The following RALYL variants were observed in gnomAD, a reference collection of about 807,000 sequenced individuals.
RALYL encodes RALY RNA binding protein like.
Under a neutral mutation model 35.1 loss-of-function variants are expected in RALYL, and 29 were observed. The ratio of observed to expected loss-of-function variants is 0.83; its 90% CI spans 0.61 to 1.13. RALYL has a LOEUF of 1.13. Ranked by LOEUF, RALYL falls within the 50% of genes most tolerant of loss-of-function variation. The pLI is 0.00. For missense variants in RALYL, 359 were observed against 360.4 expected (o/e 1.00, Z 0.03); for synonymous variants, 120 against 127.6 (o/e 0.94, Z 0.40).
intron 8 of RALYL, among the ~76,000 whole-genome samples, chr8:84,916,937 A>G (rs149710935): frequency 2.9e-3 from 448 of 152,196 alleles, no homozygotes; most frequent in Non-Finnish European, 5.0e-3. Context: ...AACAAAGTTA[A>G]ATTTATTTTA....
chr8:84,485,665 C>T (rs995222813), intron 1 of RALYL, among the ~76,000 whole-genome samples: 4 of 152,110 alleles, frequency 2.6e-5, no homozygotes, highest in Non-Finnish European at 5.9e-5. Flanking sequence ...GATGGCAATT[C>T]CATTTCAGTT....
At chr8:84,438,711 T>C (rs1025822369) in intron 1 of RALYL, among the ~76,000 whole-genome samples, 1 of 152,102 alleles carries the variant, frequency 6.6e-6, no homozygotes, top group African/African-American at 2.4e-5. Flanking sequence ...TTCTTATAGT[T>C]TGCGGTCTTA....
intron 8 of RALYL, among the ~76,000 whole-genome samples, chr8:84,905,700 A>ATTTTTT (rs35284071): frequency 7.7e-5 from 11 of 142,992 alleles, no homozygotes; most frequent in Non-Finnish European, 1.5e-4. Flanking sequence ...TATGAATACT[A>ATTTTTT]TTTTTTTTTT....
rs1228499426 is a variant in RALYL, at chr8:84,350,587, G to A, written c.-24+166163G>A. On this transcript the variant is annotated intron_variant, in intron 1 of 8. Coordinates refer to ENST00000521268, the MANE Select transcript of RALYL (RefSeq NM_173848.7). ...TAGTAAGTAAAAACAAGCCATGCATGTATTACCTCAGAACCAGGGCACTAG... is the reference window on the plus strand; with the variant it reads ...TAGTAAGTAAAAACAAGCCATGCATATATTACCTCAGAACCAGGGCACTAG... Among the ~76,000 whole-genome samples the A allele has an allele frequency of 1.3e-5, 2 of 150,064 alleles. 1 individual carries two copies. Among genetic ancestry groups the A allele is most frequent in the African/African-American group, 5.0e-5 (2 of 40,266 alleles).
At chr8:84,731,369 C>T (rs1393722342) in intron 2 of RALYL, among the ~76,000 whole-genome samples, 3 of 152,082 alleles carry the variant, frequency 2.0e-5, no homozygotes, top group African/African-American at 7.2e-5. Flanking sequence ...TATTTAAGGG[C>T]ATAGAGTAAA....
intron 2 of RALYL, among the ~76,000 whole-genome samples, chr8:84,544,791 ATATTCCATATATC>A (rs2060247066): frequency 6.6e-6 from 1 of 152,042 alleles, no homozygotes; most frequent in Non-Finnish European, 1.5e-5. Flanking sequence ...TGTTTTCCAT[ATATTCCATATATC>A]CATATATTTG....
chr8:84,807,993 G>T (rs1825062565), intron 4 of RALYL, among the ~76,000 whole-genome samples: 1 of 152,114 alleles, frequency 6.6e-6, no homozygotes, highest in Non-Finnish European at 1.5e-5. Flanking sequence ...TTTTTGCCAT[G>T]CAAAAGCTCT....
At chr8:84,372,889 T>TTTTG (rs1856098534) in intron 1 of RALYL, among the ~76,000 whole-genome samples, 1 of 109,604 alleles carries the variant, frequency 9.1e-6, no homozygotes, top group Non-Finnish European at 1.8e-5. Flanking sequence ...AGCATCTGTT[T>TTTTG]TTTTTTTTTT....
intron 2 of RALYL, among the ~76,000 whole-genome samples, chr8:84,618,193 G>T (rs1241267048): frequency 1.3e-5 from 2 of 151,784 alleles, no homozygotes; most frequent in Admixed American, 1.3e-4. Flanking sequence ...TGTACCTCTG[G>T]TAGAATTCGG....
At chr8:84,228,350 A>G (rs912174882) in intron 1 of RALYL, among the ~76,000 whole-genome samples, 4 of 152,278 alleles carry the variant, frequency 2.6e-5, no homozygotes, top group Non-Finnish European at 4.4e-5. Context: ...AATTACTACC[A>G]TAGAAGAATT....
chr8:84,650,087 G>C (rs1220162389), intron 2 of RALYL, among the ~76,000 whole-genome samples: 1 of 152,050 alleles, frequency 6.6e-6, no homozygotes, highest in Non-Finnish European at 1.5e-5. Context: ...CTGTTTTTCT[G>C]TTATTGGTGT....
chr8:84,191,157 T>C (rs1000312254), intron 1 of RALYL, among the ~76,000 whole-genome samples: 1 of 145,612 alleles, frequency 6.9e-6, no homozygotes, highest in Non-Finnish European at 1.5e-5. Context: ...GTTCCCAGGA[T>C]TGTATGTGTC....
intron 2 of RALYL, among the ~76,000 whole-genome samples, chr8:84,682,429 T>C (rs896340867): frequency 6.6e-6 from 1 of 152,218 alleles, no homozygotes; most frequent in Non-Finnish European, 1.5e-5. Flanking sequence ...TAGCTTTTCC[T>C]TTTACCTCTG....
At chr8:84,901,977 C>G (rs980706671) in intron 8 of RALYL, among the ~76,000 whole-genome samples, 10 of 152,000 alleles carry the variant, frequency 6.6e-5, no homozygotes, top group Non-Finnish European at 1.5e-4. Flanking sequence ...AAGCCATTTC[C>G]CAGAACAAAG....
chr8:84,441,650 C>T (rs1192804666), intron 1 of RALYL, among the ~76,000 whole-genome samples: 1 of 151,986 alleles, frequency 6.6e-6, no homozygotes, highest in Non-Finnish European at 1.5e-5. Context: ...CTAGAAGAAC[C>T]AAAAAGAGGA....
At chr8:84,777,337 T>C (rs1403555350) in intron 3 of RALYL, among the ~76,000 whole-genome samples, 1 of 152,168 alleles carries the variant, frequency 6.6e-6, no homozygotes, top group East Asian at 1.9e-4. Flanking sequence ...AAACCAATCA[T>C]CAATACTATT....
rs143125851 is a variant in RALYL at position 84,366,392 on chromosome 8, T to C, written c.-23-162907T>C. Among the ~76,000 whole-genome samples, 162 of 152,250 alleles carry C rather than the reference T, an allele frequency of 1.1e-3. 2 individuals carry two copies. Among genetic ancestry groups the C allele is most frequent in the Admixed American group, 1.2e-3 (19 of 15,296 alleles). ...ATTTGCAGTTTAGTTAGAAAGATAA[T>C]ATAAGCACTCTGTAAACAACAGCTA... On this transcript the variant is annotated intron_variant, in intron 1 of 8. Transcript: ENST00000521268.
intron 1 of RALYL, among the ~76,000 whole-genome samples, chr8:84,360,809 C>T (rs955205054): frequency 2.6e-5 from 4 of 151,982 alleles, no homozygotes; most frequent in Admixed American, 2.6e-4. Context: ...ATGGTTTTCT[C>T]ACACCAACAA....
At chr8:84,882,283 C>G (rs1315099002) in intron 7 of RALYL, among the ~76,000 whole-genome samples, 1 of 151,926 alleles carries the variant, frequency 6.6e-6, no homozygotes, top group Non-Finnish European at 1.5e-5. Context: ...AACAGACACT[C>G]CAAAAGATGC....
Sources: gnomAD v4.1 joint callset for allele counts (sites outside exome capture counted in the v4.1 genomes callset) on GRCh38, gnomAD v4.1.1 for gene constraint, MANE v1.5 for transcripts, NCBI Gene and HGNC (gene_info 2026-07-23, HGNC 2026-07-21) for gene names.